The following ADGRD1 variants were observed in gnomAD, a reference collection of about 807,000 sequenced individuals.
The protein encoded by ADGRD1 is G-protein coupled receptor 133.
Under a neutral mutation model 113.4 loss-of-function variants are expected in ADGRD1, and 77 were observed. The ratio of observed to expected loss-of-function variants is 0.68; its 90% CI spans 0.57 to 0.82. The LOEUF (loss-of-function observed/expected upper bound fraction) is 0.82. ADGRD1 is among the 40% of genes least tolerant of loss of function. ADGRD1 has a pLI of 0.00. For missense variants in ADGRD1, 1,036 were observed against 1,139.1 expected (o/e 0.91, Z 1.30); for synonymous variants, 474 against 475.0 (o/e 1.00, Z 0.03).
Position 131,027,176 on chromosome 12 carries a change from G to T in ADGRD1, c.1473+12836G>T, listed in dbSNP as rs1272796472. 6.6e-6 allele frequency: 1 copy of T among 152,068 alleles called. No homozygotes were observed. Among genetic ancestry groups the T allele is most frequent in the African/African-American group, 2.4e-5 (1 of 41,384 alleles). 9.4% of individuals were successfully genotyped at this position (152,068 alleles called of 1,614,324 possible). A position where few individuals can be genotyped will look rare whatever the true frequency, so the allele number is the denominator to read the frequency against. On this transcript the variant is annotated intron_variant, in intron 13 of 24. Coordinates refer to ENST00000261654, the MANE Select transcript of ADGRD1 (RefSeq NM_198827.5). This position sits in a 1 kb window ranked among gnomAD's most constrained non-coding sequence, Gnocchi z 5.1. ...GATCCAGGATATTCCTACTCTGCAG[G>T]CTGTTTAAATAACACACACACACGC... is the stretch of plus-strand genomic sequence containing the variant.
intron 13 of ADGRD1, among the ~76,000 whole-genome samples, chr12:131,062,881 T>C (rs11061309): frequency 0.42 from 64,283 of 152,004 alleles, 13,853 homozygotes; most frequent in South Asian, 0.53. Context: ...CCATGAGCAA[T>C]GTATGAGTGA....
intron 20 of ADGRD1, among the ~76,000 whole-genome samples, chr12:131,129,718 T>C (rs1950861821): frequency 6.6e-6 from 1 of 152,142 alleles, no homozygotes. Context: ...TTTGAAAAAA[T>C]AGTCGGAATT....
In ADGRD1 at chr12:131,076,802, C is replaced by T; in HGVS notation, c.1475C>T (p.Thr492Ile). ...LITVHLKHRL[T>I]RKQHSEATNS... ...CGTGTTTGCTTTCTTTCATTTCAGA[C>T]ACGTAAGCAGCACAGTGAGGCCACC... The change falls in exon 14 of 25, where the codon ACA becomes ATA. Residue 492 changes from threonine to isoleucine, a missense_variant and splice_region_variant. By Grantham distance (89) the Thr-to-Ile change is moderately conservative. Transcript: ENST00000261654. 6.2e-7 allele frequency: 1 copy of T among 1,613,840 alleles called. No individual in the cohort carries two copies. Among genetic ancestry groups the T allele is most frequent in the Non-Finnish European group, 8.5e-7 (1 of 1,179,738 alleles).
rs1873053942 is a variant in ADGRD1 at position 130,981,970 on chromosome 12, G to A, written c.397G>A (p.Gly133Arg). ...GTATGGGGGACAGGTCATCTCCAAT[G>A]GGTTCAAAGTCTGCTCCAGCGGTGG... is the stretch of plus-strand genomic sequence containing the variant. ...SAYGGQVISN[G>R]FKVCSSGGRG... is the part of the protein sequence containing the mutation. Residue 133 changes from glycine to arginine, a missense_variant, in exon 5 of 25, where the codon GGG becomes AGG. Gly to Arg is a moderately radical substitution (Grantham distance 125, BLOSUM62 -2). Coordinates refer to ENST00000261654, the MANE Select transcript of ADGRD1 (RefSeq NM_198827.5). 1 of 1,613,612 alleles carries A rather than the reference G, an allele frequency of 6.2e-7. No individual in the cohort carries two copies. The highest frequency in any genetic ancestry group is 1.3e-5 in the African/African-American group (1 of 74,910).
At chr12:130,992,877 A>G (rs920885039) in intron 8 of ADGRD1, among the ~76,000 whole-genome samples, 13 of 152,252 alleles carry the variant, frequency 8.5e-5, no homozygotes, top group African/African-American at 3.1e-4. Context: ...GCTCCTCCAA[A>G]TAGTTTCCAG....
chr12:131,066,261 G>T (rs1441519548), intron 13 of ADGRD1, among the ~76,000 whole-genome samples: 1 of 152,182 alleles, frequency 6.6e-6, no homozygotes, highest in Non-Finnish European at 1.5e-5. Context: ...CGGGGAGGGC[G>T]GAGGATGTGA....
rs571957480 is a variant in ADGRD1 at position 131,027,433 on chromosome 12, G to A, written c.1473+13093G>A. On this transcript the variant is annotated intron_variant, in intron 13 of 24. Coordinates refer to ENST00000261654, the MANE Select transcript of ADGRD1 (RefSeq NM_198827.5). This position sits in a 1 kb window ranked among gnomAD's most constrained non-coding sequence, Gnocchi z 5.1. ...GCTCAGACTGTATCATCATTCTCAC[G>A]GCTGCTTAATAGTCTACGTTTGTCA... 4.6e-5 allele frequency: 7 copies of A among 152,178 alleles called. No homozygotes were observed. The highest frequency in any genetic ancestry group is 2.1e-4 in the South Asian group (1 of 4,808). The allele number at this position is 152,178 out of a possible 1,614,324, so 9.4% of individuals were successfully genotyped here.
intron 2 of ADGRD1, among the ~76,000 whole-genome samples, chr12:130,960,661 TCACA>T (rs56278834): frequency 4.0e-5 from 6 of 151,536 alleles, no homozygotes; most frequent in South Asian, 2.1e-4. Flanking sequence ...AATCTCTCTC[TCACA>T]CACACACACA....
intron 5 of ADGRD1, among the ~76,000 whole-genome samples, chr12:130,982,808 G>A (rs1873178547): frequency 1.3e-5 from 2 of 152,096 alleles, no homozygotes; most frequent in South Asian, 4.2e-4. Context: ...ACGAAGGTCT[G>A]AAGTGGAAGC....
intron 13 of ADGRD1, among the ~76,000 whole-genome samples, chr12:131,037,503 ATTG>A: frequency 8.8e-6 from 1 of 114,238 alleles, no homozygotes. Context: ...GGTCTTACTC[ATTG>A]CACTGGGTCT....
Position 131,015,014 on chromosome 12 carries a change from A to T in ADGRD1, c.1473+674A>T, listed in dbSNP as rs193050952. Among the ~76,000 whole-genome samples, 4 of 152,364 alleles carry T rather than the reference A, an allele frequency of 2.6e-5. No individual in the cohort carries two copies. The East Asian group carries it at 7.7e-4, about 29-fold the overall frequency. ...TTCATGTCAGGAGGTATGGTGTTTG[A>T]TGTGACACTGAAAGAGTGAGATTTT... On this transcript the variant is annotated intron_variant, in intron 13 of 24. Coordinates refer to ENST00000261654, the MANE Select transcript of ADGRD1 (RefSeq NM_198827.5).
intron 18 of ADGRD1, among the ~76,000 whole-genome samples, chr12:131,114,329 C>G (rs1369982496): frequency 2.0e-5 from 3 of 152,182 alleles, no homozygotes; most frequent in Middle Eastern, 3.2e-3. Context: ...TTATATTCCT[C>G]CTTGACAACA....
Position 130,963,341 on chromosome 12 carries a change from AAGAAAG to A in ADGRD1, c.104-3120_104-3115del, listed in dbSNP as rs1278264142. On this transcript the variant is annotated intron_variant, in intron 2 of 24. Coordinates refer to ENST00000261654, the MANE Select transcript of ADGRD1 (RefSeq NM_198827.5). ...TCTCAAAAAAAAAAAAAAAAAAAAA[AAGAAAG>A]AAAAATTCAAATTCAAATAGAACAG... is the stretch of plus-strand genomic sequence containing the variant. 1.4e-3 allele frequency among the ~76,000 whole-genome samples: 168 copies of A among 116,700 alleles called. 2 individuals carry two copies. Among genetic ancestry groups the A allele is most frequent in the Middle Eastern group, 4.6e-3 (1 of 216 alleles). 76.6% of individuals were successfully genotyped at this position (116,700 alleles called of 152,430 possible).
At chr12:131,077,730 G>A (rs1885746722) in intron 14 of ADGRD1, among the ~76,000 whole-genome samples, 1 of 152,092 alleles carries the variant, frequency 6.6e-6, no homozygotes, top group African/African-American at 2.4e-5. Flanking sequence ...TTCATGGCTG[G>A]ATATTGTTTT....
rs1593265806 is a variant in ADGRD1 at position 130,966,356 on chromosome 12, T to C, written c.104-107T>C. On this transcript the variant is annotated intron_variant, in intron 2 of 24. Transcript: ENST00000261654. The surrounding 1 kb of genome is among the most constrained non-coding windows in gnomAD (Gnocchi z 4.6). Reference sequence around the variant, plus strand: ...ATGCTTTCAGTATCTCCCACAGACATGGGATCCTTTTACTCTTCCCCCATA... The same window carrying C: ...ATGCTTTCAGTATCTCCCACAGACACGGGATCCTTTTACTCTTCCCCCATA... 1 of 708,514 alleles carries C rather than the reference T, an allele frequency of 1.4e-6. No individual in the cohort carries two copies. Among genetic ancestry groups the C allele is most frequent in the Non-Finnish European group, 2.6e-6 (1 of 389,442 alleles). The allele number at this position is 708,514 out of a possible 1,614,324, so 43.9% of individuals were successfully genotyped here. A position where few individuals can be genotyped will look rare whatever the true frequency, so the allele number is the denominator to read the frequency against.
intron 13 of ADGRD1, chr12:131,026,162 C>G (rs1011954518): frequency 6.6e-6 from 1 of 152,242 alleles, no homozygotes; most frequent in Non-Finnish European, 1.5e-5. Flanking sequence ...TACAGACAAA[C>G]GGGGCAGCCG....
At position 131,050,968 on chromosome 12, in the gene ADGRD1, C is replaced by A. The variant is rs1360351196; in HGVS notation, c.1474-25833C>A. Among the ~76,000 whole-genome samples the A allele has an allele frequency of 1.3e-5, 2 of 152,230 alleles. No homozygotes were observed. The highest frequency in any genetic ancestry group is 4.8e-5 in the African/African-American group (2 of 41,468). ...TGTGTGCTGTGTGCCCGGTTCCTAACAGGCCACGGGCTGGTCCCGGTTCAC... is the reference window on the plus strand; with the variant it reads ...TGTGTGCTGTGTGCCCGGTTCCTAAAAGGCCACGGGCTGGTCCCGGTTCAC... On this transcript the variant is annotated intron_variant, in intron 13 of 24. Coordinates refer to ENST00000261654, the MANE Select transcript of ADGRD1 (RefSeq NM_198827.5). This position sits in a 1 kb window ranked among gnomAD's most constrained non-coding sequence, Gnocchi z 4.8.
intron 2 of ADGRD1, among the ~76,000 whole-genome samples, chr12:130,958,780 G>A (rs546325264): frequency 6.1e-5 from 9 of 146,864 alleles, no homozygotes; most frequent in Admixed American, 1.4e-4. Flanking sequence ...TCCTTAACAC[G>A]TAGCATTTCA....
intron 12 of ADGRD1, 117 bp downstream of exon 12, chr12:131,006,164 G>A (rs912602056): frequency 1.2e-5 from 11 of 916,806 alleles, no homozygotes; most frequent in African/African-American, 1.6e-5. Flanking sequence ...CACGAGTACC[G>A]GGCGCTTCAC....
Sources: allele counts gnomAD v4.1 joint callset (sites outside exome capture counted in the v4.1 genomes callset), GRCh38; gene constraint gnomAD v4.1.1; non-coding constraint Gnocchi (gnomAD v3.1); transcripts MANE v1.5; gene names NCBI Gene and HGNC (gene_info 2026-07-23, HGNC 2026-07-21).